Variants in PAG1 observed in about 807,000 individuals in gnomAD.
The protein encoded by PAG1 is phosphoprotein associated with glycosphingolipid-enriched microdomains 1.
Under a neutral mutation model 31.7 loss-of-function variants are expected in PAG1, and 23 were observed. The ratio of observed to expected loss-of-function variants is 0.73; its 90% CI spans 0.52 to 1.03. The LOEUF (loss-of-function observed/expected upper bound fraction) is 1.03, where lower values mean the gene tolerates loss of function less well. Ranked by LOEUF, PAG1 falls within the 50% of genes least tolerant of loss-of-function variation. PAG1 has a pLI of 0.00. For synonymous variants in PAG1, 214 were observed against 210.3 expected, an observed-to-expected ratio of 1.02 and a Z score of -0.15; for missense variants, 473 against 540.7, an observed-to-expected ratio of 0.87 and a Z score of 1.24.
intron 2 of PAG1, chr8:81,040,980 T>C (rs1175526373): frequency 1.3e-5 from 2 of 152,154 alleles, no homozygotes; most frequent in Non-Finnish European, 2.9e-5. Flanking sequence ...TTGGTAAAAA[T>C]CATGACAACA....
At chr8:81,023,650 G>C (rs1808226373) in intron 3 of PAG1, among the ~76,000 whole-genome samples, 1 of 151,206 alleles carries the variant, frequency 6.6e-6, no homozygotes, top group Non-Finnish European at 1.5e-5. Context: ...AAAGACAGAG[G>C]GTATGAGTGA....
chr8:81,039,994 C>G (rs957211235), intron 2 of PAG1, among the ~76,000 whole-genome samples: 2 of 152,006 alleles, frequency 1.3e-5, no homozygotes, highest in African/African-American at 4.8e-5. Context: ...TTATATCAAC[C>G]AAAATTCCTA....
intron 3 of PAG1, among the ~76,000 whole-genome samples, chr8:81,018,727 T>G (rs60702356): frequency 0.018 from 2,680 of 152,326 alleles, 70 homozygotes; most frequent in African/African-American, 0.061. Flanking sequence ...CATGGGTAAC[T>G]GTGATTCCAT....
chr8:81,087,208 T>A (rs564734912), intron 1 of PAG1, among the ~76,000 whole-genome samples: 2 of 152,114 alleles, frequency 1.3e-5, no homozygotes, highest in East Asian at 3.9e-4. Flanking sequence ...CTGGGCTTGG[T>A]GGCATGTGCC....
intron 1 of PAG1, among the ~76,000 whole-genome samples, chr8:81,094,558 T>C (rs1462534154): frequency 6.6e-6 from 1 of 152,192 alleles, no homozygotes; most frequent in Non-Finnish European, 1.5e-5. Context: ...ACCTTTCAAC[T>C]TCTTTTATGG....
chr8:81,001,034 T>G (rs1298088349), intron 3 of PAG1, among the ~76,000 whole-genome samples: 1 of 152,200 alleles, frequency 6.6e-6, no homozygotes, highest in Non-Finnish European at 1.5e-5. Flanking sequence ...TTAAACATTG[T>G]TGGCTCTCTT....
chr8:81,034,573 C>G lies in PAG1; in HGVS notation c.-174-4484G>C, dbSNP rs1808432115. Reference sequence around the variant, plus strand: ...ATTCCCTGCCACAATAAAGGGCTTCCTCCATCCCAAGGAATCCCTTTCTGT... The same window carrying G: ...ATTCCCTGCCACAATAAAGGGCTTCGTCCATCCCAAGGAATCCCTTTCTGT... On this transcript the variant is annotated intron_variant, in intron 2 of 8. Transcript: ENST00000220597. 2.6e-5 allele frequency among the ~76,000 whole-genome samples: 4 copies of G among 152,176 alleles called. No homozygotes were observed. In the South Asian group the frequency reaches 8.3e-4, roughly 32 times the overall value.
chr8:81,075,290 T>C (rs143997528), intron 1 of PAG1, among the ~76,000 whole-genome samples: 3 of 152,380 alleles, frequency 2.0e-5, no homozygotes, highest in South Asian at 4.1e-4. Context: ...CTTGCCTCTT[T>C]ATAATTTTAT....
intron 2 of PAG1, among the ~76,000 whole-genome samples, chr8:81,031,796 A>C (rs1808381383): frequency 6.6e-6 from 1 of 152,252 alleles, no homozygotes. Flanking sequence ...ACATTTTGCG[A>C]CTTAAAAATA....
At chr8:81,014,469 T>A (rs753211507) in intron 3 of PAG1, among the ~76,000 whole-genome samples, 5 of 152,204 alleles carry the variant, frequency 3.3e-5, no homozygotes, top group Non-Finnish European at 7.3e-5. Context: ...CAGAGCAAGA[T>A]GGGGACTAGC....
chr8:81,079,834 C>A (rs1809237102), intron 1 of PAG1, among the ~76,000 whole-genome samples: 1 of 151,972 alleles, frequency 6.6e-6, no homozygotes, highest in African/African-American at 2.4e-5. Context: ...AGTGGCACGA[C>A]CATGGCTCAC....
At chr8:81,072,384 G>C (rs1809108206) in intron 1 of PAG1, among the ~76,000 whole-genome samples, 1 of 152,194 alleles carries the variant, frequency 6.6e-6, no homozygotes, top group Non-Finnish European at 1.5e-5. Flanking sequence ...CCCTGGCCTT[G>C]CTGACATTTG....
At chr8:81,107,949 A>G (rs1809719165) in intron 1 of PAG1, among the ~76,000 whole-genome samples, 1 of 152,264 alleles carries the variant, frequency 6.6e-6, no homozygotes, top group Non-Finnish European at 1.5e-5. Context: ...AAAACAGTAC[A>G]TATGACTGTC....
In PAG1 at chr8:81,068,940, G is replaced by A. The variant is rs916672037; in HGVS notation, c.-175+1172C>T. Among the ~76,000 whole-genome samples the A allele has an allele frequency of 3.3e-5, 5 of 152,134 alleles. No individual in the cohort carries two copies. In the East Asian group the frequency reaches 7.7e-4, roughly 23 times the overall value. On this transcript the variant is annotated intron_variant, in intron 2 of 8. Transcript: ENST00000220597. ...TTTCAGGCCATAATGTGTGTAAGGC[G>A]AGCAGCTCTAGTGGAAATGGAAATG...
intron 2 of PAG1, among the ~76,000 whole-genome samples, chr8:81,048,720 T>C (rs1363040007): frequency 6.6e-6 from 1 of 152,186 alleles, no homozygotes; most frequent in Non-Finnish European, 1.5e-5. Flanking sequence ...ATGATTTACA[T>C]CAACGACGCT....
Position 80,973,656 on chromosome 8 carries a change from C to G in PAG1, c.*2888G>C, listed in dbSNP as rs1330949011. The G allele has an allele frequency of 6.6e-6, 1 of 152,092 alleles. No individual in the cohort carries two copies. Among genetic ancestry groups the G allele is most frequent in the African/African-American group, 2.4e-5 (1 of 41,408 alleles). The allele number at this position is 152,092 out of a possible 1,614,324, so 9.4% of individuals were successfully genotyped here. ...TATACAAATTGTTTTTGATAACTAC[C>G]TTTCATACATTTTATTTAAACTGTA... On this transcript the variant is annotated 3_prime_UTR_variant, in exon 9 of 9. Transcript: ENST00000220597.
At chr8:81,051,346 T>G (rs1408665958) in intron 2 of PAG1, among the ~76,000 whole-genome samples, 1 of 152,208 alleles carries the variant, frequency 6.6e-6, no homozygotes, top group Non-Finnish European at 1.5e-5. Context: ...AGCCCCAAAC[T>G]GTCACATAAA....
At chr8:80,987,678 TAGACTA>T (rs1261722854) in intron 5 of PAG1, 17 of 492,200 alleles carry the variant, frequency 3.5e-5, no homozygotes, top group Admixed American at 1.4e-4. Context: ...GAACCCTATA[TAGACTA>T]TGTCTTTTCC....
intron 1 of PAG1, among the ~76,000 whole-genome samples, chr8:81,094,280 C>T (rs934633952): frequency 1.3e-5 from 2 of 152,128 alleles, no homozygotes; most frequent in Non-Finnish European, 2.9e-5. Flanking sequence ...AAGCTAGAAC[C>T]TTCCTCACAC....
Sources: gnomAD v4.1 joint callset for allele counts (sites outside exome capture counted in the v4.1 genomes callset) on GRCh38, gnomAD v4.1.1 for gene constraint, MANE v1.5 for transcripts, NCBI Gene and HGNC (gene_info 2026-07-23, HGNC 2026-07-21) for gene names.